INVS: variants seen among roughly 807,000 people sequenced by gnomAD.
INVS encodes inversion of embryo turning homolog.
Under a neutral mutation model 108.8 loss-of-function variants are expected in INVS, and 86 were observed. The observed-to-expected ratio is 0.79, with a 90% CI of 0.66 to 0.95. INVS has a LOEUF of 0.95. Ranked by LOEUF, INVS falls within the 40% of genes least tolerant of loss-of-function variation. The probability of loss-of-function intolerance (pLI) is 0.00; values close to 1 mark genes in which losing one functional copy is unlikely to be tolerated. For synonymous variants in INVS, 455 were observed against 473.5 expected (o/e 0.96, Z 0.51); for missense variants, 1,169 against 1,297.4 (o/e 0.90, Z 1.52).
At chr9:100,116,382 T>TA (rs1461188853) in intron 2 of INVS, among the ~76,000 whole-genome samples, 1 of 152,174 alleles carries the variant, frequency 6.6e-6, no homozygotes, top group Non-Finnish European at 1.5e-5. Flanking sequence ...GTGCTGGGAT[T>TA]ACAGGTGTGA....
chr9:100,131,024 T>C (rs1828041169), intron 3 of INVS: 1 of 152,218 alleles, frequency 6.6e-6, no homozygotes, highest in Non-Finnish European at 1.5e-5. Context: ...TGTGTGATAG[T>C]GAACTGTATT....
chr9:100,199,852 A>G (rs1198749157), intron 3 of INVS, among the ~76,000 whole-genome samples: 6 of 152,086 alleles, frequency 3.9e-5, no homozygotes, highest in Non-Finnish European at 7.4e-5. Context: ...AAAAGTTGAT[A>G]TTTTTACCAA....
intron 3 of INVS, among the ~76,000 whole-genome samples, chr9:100,207,570 G>T (rs913795077): frequency 2.0e-5 from 3 of 152,076 alleles, no homozygotes; most frequent in Non-Finnish European, 4.4e-5. Context: ...TGGGATTATA[G>T]GTGTGACCCA....
chr9:100,120,703 A>G (rs887902135), intron 2 of INVS: 3 of 152,060 alleles, frequency 2.0e-5, no homozygotes, highest in African/African-American at 7.2e-5. Flanking sequence ...TTGCTTTTCT[A>G]TCTTGTTGTT....
Position 100,189,794 on chromosome 9 carries a change from C to T in INVS, c.274-36268C>T, listed in dbSNP as rs577316984. 7.9e-5 allele frequency among the ~76,000 whole-genome samples: 12 copies of T among 151,716 alleles called. No homozygotes were observed. The East Asian group carries it at 1.7e-3, about 22-fold the overall frequency. Reference sequence around the variant, plus strand: ...TTAATAGACGGGGGTCTTGCCATGTCGGCCAGGTTGGTCTTGAACTCCTGG... The same window carrying T: ...TTAATAGACGGGGGTCTTGCCATGTTGGCCAGGTTGGTCTTGAACTCCTGG... On this transcript the variant is annotated intron_variant, in intron 3 of 16. Transcript: ENST00000262457.
chr9:100,246,152 CA>C (rs200509802), intron 7 of INVS, among the ~76,000 whole-genome samples: 1,180 of 97,820 alleles, frequency 0.012, 27 homozygotes, highest in Admixed American at 0.051. Flanking sequence ...GACTCCCTCT[CA>C]AAAAAAAAAG....
Position 100,294,011 on chromosome 9 carries a change from TACA to T in INVS, c.2786+973_2786+975del, listed in dbSNP as rs202199855. 6.5e-3 allele frequency among the ~76,000 whole-genome samples: 982 copies of T among 152,186 alleles called. 10 individuals are homozygous for T. Among genetic ancestry groups the T allele is most frequent in the African/African-American group, 0.022 (926 of 41,518 alleles). The stretch of plus-strand genomic sequence containing the variant: ...GGCCAAACTCCGTCTCTACAAAAAG[TACA>T]ACAATTACCTACGCATGGTGGCACA... On this transcript the variant is annotated intron_variant, in intron 14 of 16. Transcript: ENST00000262457.
At chr9:100,265,109 A>AT (rs1478687896) in intron 11 of INVS, among the ~76,000 whole-genome samples, 181 bp downstream of exon 11, 2 of 151,726 alleles carry the variant, frequency 1.3e-5, no homozygotes, top group Non-Finnish European at 2.9e-5. Context: ...CACCTGGCCA[A>AT]TTTTTTTGTA....
chr9:100,259,024 A>G (rs1832520607), intron 10 of INVS, among the ~76,000 whole-genome samples: 1 of 152,222 alleles, frequency 6.6e-6, no homozygotes, highest in Non-Finnish European at 1.5e-5. Context: ...GGTGGAGTCT[A>G]CAAAGGCAGG....
At chr9:100,213,826 G>A (rs963190445) in intron 3 of INVS, among the ~76,000 whole-genome samples, 1 of 152,098 alleles carries the variant, frequency 6.6e-6, no homozygotes, top group Non-Finnish European at 1.5e-5. Flanking sequence ...TAAGCCCAGA[G>A]GAAGACATTA....
Position 100,300,702 on chromosome 9 carries a change from G to A in INVS, c.*28G>A. 2 of 1,496,230 alleles carry A rather than the reference G, an allele frequency of 1.3e-6. No homozygotes were observed. The highest frequency in any genetic ancestry group is 2.3e-5 in the East Asian group (1 of 44,262). The allele number at this position is 1,496,230 out of a possible 1,614,324, so 92.7% of individuals were successfully genotyped here. ...GCCTATGGAGGAAGACTGTGTTCGG[G>A]GGAGCTGGCATAGCTAGTGCAGAGT... On this transcript the variant is annotated 3_prime_UTR_variant, in exon 17 of 17. Transcript: ENST00000262457.
intron 3 of INVS, among the ~76,000 whole-genome samples, chr9:100,172,801 A>T (rs1158197835): frequency 6.6e-6 from 1 of 152,220 alleles, no homozygotes. Context: ...GGTTCCAATC[A>T]CCAGCAAGAA....
At chr9:100,181,626 A>C (rs933854356) in intron 3 of INVS, among the ~76,000 whole-genome samples, 29 of 152,350 alleles carry the variant, frequency 1.9e-4, no homozygotes, top group African/African-American at 6.0e-4. Context: ...TGACACAAAC[A>C]AATAGAAAAA....
rs1827889878 is a variant in INVS at position 100,126,534 on chromosome 9, T to G, written c.258T>G (p.His86Gln). Reference sequence around the variant, plus strand: ...ACCATAGCCAGAGAACAGCCCTCCATCTTGCAGCCCAGAAGGTGAGAAGTA... The same window carrying G: ...ACCATAGCCAGAGAACAGCCCTCCAGCTTGCAGCCCAGAAGGTGAGAAGTA... ...KTDHSQRTAL[H>Q]LAAQKGNYRF... Residue 86 changes from histidine to glutamine, a missense_variant, in exon 3 of 17, where the codon CAT (histidine) becomes CAG (glutamine). His to Gln is a conservative substitution (Grantham distance 24). Coordinates refer to ENST00000262457, the MANE Select transcript of INVS (RefSeq NM_014425.5). 6.2e-7 allele frequency: 1 copy of G among 1,614,060 alleles called. No individual in the cohort carries two copies. Among genetic ancestry groups the G allele is most frequent in the South Asian group, 1.1e-5 (1 of 91,084 alleles).
Position 100,150,421 on chromosome 9 carries a change from A to C in INVS, c.273+23872A>C, listed in dbSNP as rs563645753. 6.6e-5 allele frequency among the ~76,000 whole-genome samples: 10 copies of C among 152,324 alleles called. No homozygotes were observed. The East Asian group carries it at 1.9e-3, about 29-fold the overall frequency. ...ATCAAAAACTAAAAGGAAAAGAAAG[A>C]GTATATATTGAATTTCGATGAAACC... On this transcript the variant is annotated intron_variant, in intron 3 of 16. Coordinates refer to ENST00000262457, the MANE Select transcript of INVS (RefSeq NM_014425.5).
chr9:100,294,175 GA>G (rs1833716713), intron 14 of INVS, among the ~76,000 whole-genome samples: 1 of 152,162 alleles, frequency 6.6e-6, no homozygotes, highest in South Asian at 2.1e-4. Flanking sequence ...CTCAAGAAAA[GA>G]AATAGGTGGA....
At chr9:100,157,341 T>A (rs1331342629) in intron 3 of INVS, among the ~76,000 whole-genome samples, 2 of 148,962 alleles carry the variant, frequency 1.3e-5, no homozygotes, top group African/African-American at 5.1e-5. Context: ...CTCGGCTCAC[T>A]GCAAGCTCCG....
chr9:100,225,279 A>T (rs971655003), intron 3 of INVS, among the ~76,000 whole-genome samples: 4 of 150,372 alleles, frequency 2.7e-5, no homozygotes, highest in Non-Finnish European at 5.9e-5. Flanking sequence ...CAATCTCCTG[A>T]CCTCGTGATC....
chr9:100,296,803 G>A, intron 14 of INVS, 114 bp from the exon 15 acceptor site: 2 of 829,342 alleles, frequency 2.4e-6, no homozygotes, highest in South Asian at 3.0e-5. Flanking sequence ...GAGCTTGAAT[G>A]AACCTACCAG....
Sources: gnomAD v4.1 joint callset for allele counts (sites outside exome capture counted in the v4.1 genomes callset) on GRCh38, gnomAD v4.1.1 for gene constraint, MANE v1.5 for transcripts, NCBI Gene and HGNC (gene_info 2026-07-23, HGNC 2026-07-21) for gene names.